ATP7B: variants seen among roughly 807,000 people sequenced by gnomAD.
ATP7B encodes the protein ATPase copper transporting beta, also known as copper-transporting ATPase 2.
In ATP7B, 113 loss-of-function variants were observed where a neutral mutation model predicts 118.9. That is an observed-to-expected ratio of 0.95 (90% CI 0.82 to 1.11). The LOEUF (loss-of-function observed/expected upper bound fraction) is 1.11, where lower values mean the gene tolerates loss of function less well. Among genes scored for constraint, ATP7B ranks in the 50% most tolerant of loss-of-function variants. ATP7B has a pLI of 0.00. For missense variants in ATP7B, 1,867 were observed against 1,871.4 expected, an observed-to-expected ratio of 1.00 and a Z score of 0.04; for synonymous variants, 777 against 727.4, an observed-to-expected ratio of 1.07 and a Z score of -1.10.
chr13:51,995,706 A>G (rs1324514346), intron 1 of ATP7B, among the ~76,000 whole-genome samples: 2 of 152,194 alleles, frequency 1.3e-5, no homozygotes, highest in Non-Finnish European at 2.9e-5. Context: ...AGAGGCTGCC[A>G]GCAGTCTTCA....
chr13:51,967,973 T>C (rs1205338591), intron 4 of ATP7B, among the ~76,000 whole-genome samples: 1 of 152,176 alleles, frequency 6.6e-6, no homozygotes, highest in Non-Finnish European at 1.5e-5. Flanking sequence ...TGTGGAGCAC[T>C]TTGGCCCTCT....
intron 4 of ATP7B, chr13:51,967,040 G>A (rs1951586046): frequency 1.9e-6 from 3 of 1,610,062 alleles, no homozygotes; most frequent in Non-Finnish European, 2.5e-6. Flanking sequence ...CATCAGGAGT[G>A]GGATGGGAAG....
At chr13:51,956,460 C>T (rs1295016372) in intron 9 of ATP7B, among the ~76,000 whole-genome samples, 1 of 152,180 alleles carries the variant, frequency 6.6e-6, no homozygotes, top group Non-Finnish European at 1.5e-5. Flanking sequence ...TGCATGACAT[C>T]GGAGGATAAG....
intron 2 of ATP7B, among the ~76,000 whole-genome samples, chr13:51,971,131 T>C (rs952644942): frequency 6.6e-6 from 1 of 152,226 alleles, no homozygotes; most frequent in Admixed American, 6.5e-5. Flanking sequence ...CGCAAGGCTG[T>C]CCTCAAGGAG....
At chr13:51,950,986 C>T (rs1957967449) in intron 9 of ATP7B, among the ~76,000 whole-genome samples, 3 of 152,092 alleles carry the variant, frequency 2.0e-5, no homozygotes, top group African/African-American at 7.2e-5. Context: ...CAGATCATGC[C>T]GAGTCTCCTG....
chr13:51,974,727 C>T lies in ATP7B; in HGVS notation c.493G>A (p.Val165Ile). 1 of 1,614,006 alleles carries T rather than the reference C, an allele frequency of 6.2e-7. No individual in the cohort carries two copies. Among genetic ancestry groups the T allele is most frequent in the South Asian group, 1.1e-5 (1 of 91,080 alleles). Residue 165 changes from valine to isoleucine, a missense_variant, in exon 2 of 21, where the codon GTC becomes ATC. Physicochemically the swap from Val to Ile is conservative, Grantham distance 29. Transcript: ENST00000242839. ...CTCACTACTCCTTGCAGTTTCCGGA[C>T]CTTGCCTTCAATGGAGCTGACACAG... ...QSCVSSIEGK[V>I]RKLQGVVRVK...
chr13:51,957,478 G>A, intron 9 of ATP7B, 38 bp downstream of exon 9: 1 of 1,581,872 alleles, frequency 6.3e-7, no homozygotes, highest in South Asian at 1.1e-5. Context: ...CAGATTGATA[G>A]ATACCAACCA....
intron 9 of ATP7B, among the ~76,000 whole-genome samples, chr13:51,952,241 A>G (rs1432970609): frequency 6.6e-6 from 1 of 152,228 alleles, no homozygotes. Flanking sequence ...GAGGGCACCT[A>G]CGGCCCAGGG....
At chr13:52,001,341 T>C (rs1355485107) in intron 1 of ATP7B, among the ~76,000 whole-genome samples, 1 of 152,196 alleles carries the variant, frequency 6.6e-6, no homozygotes, top group African/African-American at 2.4e-5. Context: ...GGTTCCCATG[T>C]GCTTAATAAA....
chr13:51,943,452 G>A (rs1433352848), intron 14 of ATP7B, among the ~76,000 whole-genome samples: 1 of 152,172 alleles, frequency 6.6e-6, no homozygotes, highest in Non-Finnish European at 1.5e-5. Context: ...GTTGTCAATT[G>A]TTTTTCAAGG....
At position 51,974,218 on chromosome 13, in the gene ATP7B, A is replaced by G. The variant is rs1951990469; in HGVS notation, c.1002T>C (p.Ser334=). 6.8e-6 allele frequency: 11 copies of G among 1,613,528 alleles called. No individual in the cohort carries two copies. Among genetic ancestry groups the G allele is most frequent in the Non-Finnish European group, 9.3e-6 (11 of 1,179,888 alleles). ...KVSLPDGAEG[S]GTDHRSSSSH... is the part of the protein sequence containing the mutation. ...AACTGGAAGACCTGTGATCTGTCCC[A>G]CTCCCTTCGGCTCCATCAGGAAGAG... Residue 334 remains serine, a synonymous_variant, in exon 2 of 21, where the codon AGT becomes AGC. Transcript: ENST00000242839.
rs2139505830 is a variant in ATP7B, at chr13:51,957,609, T to C, written c.2356-2A>G. 6.2e-7 allele frequency: 1 copy of C among 1,613,746 alleles called. No individual in the cohort carries two copies. The highest frequency in any genetic ancestry group is 1.1e-5 in the South Asian group (1 of 91,078). ...AGCCAGGGCTTCTGAGGTTTTGCTCTAGGAAATAACCAGAATGTGAAATGA... is the reference window on the plus strand; with the variant it reads ...AGCCAGGGCTTCTGAGGTTTTGCTCCAGGAAATAACCAGAATGTGAAATGA... On this transcript the variant is annotated splice_acceptor_variant, in intron 8 of 20. Coordinates refer to ENST00000242839, the MANE Select transcript of ATP7B (RefSeq NM_000053.4). LOFTEE classifies it high-confidence loss of function.
intron 5 of ATP7B, among the ~76,000 whole-genome samples, chr13:51,964,108 A>AACACACACACACAC (rs17334263): frequency 4.1e-5 from 6 of 145,650 alleles, no homozygotes; most frequent in African/African-American, 1.3e-4. Flanking sequence ...TCTCTCTTTA[A>AACACACACACACAC]ACACACACAC....
At chr13:51,949,128 C>T (rs1337763077) in intron 12 of ATP7B, among the ~76,000 whole-genome samples, 1 of 152,008 alleles carries the variant, frequency 6.6e-6, no homozygotes, top group Non-Finnish European at 1.5e-5. Context: ...TGCAGTGAAC[C>T]GAGATCAAGC....
chr13:51,968,313 C>T, intron 4 of ATP7B, 131 bp downstream of exon 4: 2 of 1,394,878 alleles, frequency 1.4e-6, no homozygotes, highest in South Asian at 1.2e-5. Context: ...GAAAGTGAAA[C>T]AAACAAAATA....
intron 19 of ATP7B, among the ~76,000 whole-genome samples, chr13:51,936,633 T>C (rs1956981057): frequency 6.6e-6 from 1 of 152,168 alleles, no homozygotes; most frequent in African/African-American, 2.4e-5. Context: ...CAATAAATCC[T>C]TCTGCCCCAG....
intron 5 of ATP7B, 176 bp downstream of exon 5, chr13:51,964,696 T>C (rs1958971625): frequency 2.9e-6 from 2 of 680,140 alleles, no homozygotes. Context: ...CCTCAGATTA[T>C]TTATTATTTA....
chr13:51,987,359 T>A (rs1281719427), intron 1 of ATP7B, among the ~76,000 whole-genome samples: 1 of 152,194 alleles, frequency 6.6e-6, no homozygotes, highest in African/African-American at 2.4e-5. Flanking sequence ...TGGCAAAGGA[T>A]GTGAAGGACC....
chr13:52,008,111 G>A (rs749464979), intron 1 of ATP7B, among the ~76,000 whole-genome samples: 3 of 152,026 alleles, frequency 2.0e-5, no homozygotes, highest in Non-Finnish European at 4.4e-5. Flanking sequence ...GGAGGCCGAG[G>A]TGGGCGGATC....
Sources: allele counts gnomAD v4.1 joint callset (sites outside exome capture counted in the v4.1 genomes callset), GRCh38; gene constraint gnomAD v4.1.1; transcripts MANE v1.5; gene names NCBI Gene and HGNC (gene_info 2026-07-23, HGNC 2026-07-21).